Variants in ARHGAP28 observed in about 807,000 individuals in gnomAD.
ARHGAP28 encodes Rho GTPase activating protein 28.
Under a neutral mutation model 90.7 loss-of-function variants are expected in ARHGAP28, and 56 were observed. That is an observed-to-expected ratio of 0.62 (90% CI 0.50 to 0.77). The LOEUF (loss-of-function observed/expected upper bound fraction) is 0.77, where lower values mean the gene tolerates loss of function less well. Among genes scored for constraint, ARHGAP28 ranks in the 30% least tolerant of loss-of-function variants. The pLI is 0.00. For synonymous variants in ARHGAP28, 308 were observed against 323.3 expected, an observed-to-expected ratio of 0.95 and a Z score of 0.51; for missense variants, 869 against 900.9, an observed-to-expected ratio of 0.96 and a Z score of 0.45.
rs557918357 is a variant in ARHGAP28 at position 6,913,027 on chromosome 18, A to G, written c.*873A>G. On this transcript the variant is annotated 3_prime_UTR_variant, in exon 18 of 18. Coordinates refer to ENST00000383472, the MANE Select transcript of ARHGAP28 (RefSeq NM_001366230.1). ...AACATACCATTTTTTATATTTCACA[A>G]CTATAGACAGTCACTTCTGCAGTCC... 13 of 152,342 alleles carry G rather than the reference A, an allele frequency of 8.5e-5. No homozygotes were observed. The highest frequency in any genetic ancestry group is 3.1e-4 in the African/African-American group (13 of 41,580). 9.4% of individuals were successfully genotyped at this position (152,342 alleles called of 1,614,324 possible).
intron 1 of ARHGAP28, among the ~76,000 whole-genome samples, chr18:6,762,789 C>T (rs1050734664): frequency 2.6e-5 from 4 of 151,940 alleles, no homozygotes; most frequent in Non-Finnish European, 2.9e-5. Context: ...GAGAAACCAA[C>T]GCTGTCAGTA....
At chr18:6,796,608 C>T (rs1449691044) in intron 1 of ARHGAP28, among the ~76,000 whole-genome samples, 1 of 151,940 alleles carries the variant, frequency 6.6e-6, no homozygotes, top group Non-Finnish European at 1.5e-5. Flanking sequence ...AAGTTAGTCT[C>T]GCTCTCTTTT....
intron 12 of ARHGAP28, among the ~76,000 whole-genome samples, chr18:6,888,419 G>A (rs1234889997): frequency 6.6e-6 from 1 of 152,154 alleles, no homozygotes. Flanking sequence ...TCTTAGTGCT[G>A]CCTCTTATCA....
chr18:6,819,507 G>C (rs1015458444), intron 1 of ARHGAP28, among the ~76,000 whole-genome samples: 5 of 152,150 alleles, frequency 3.3e-5, no homozygotes, highest in Non-Finnish European at 7.4e-5. Context: ...TGGGCCAAAG[G>C]TCATACCTGT....
At chr18:6,798,382 CG>C (rs1265624484) in intron 1 of ARHGAP28, among the ~76,000 whole-genome samples, 2 of 151,998 alleles carry the variant, frequency 1.3e-5, no homozygotes, top group Admixed American at 6.6e-5. Flanking sequence ...TTAGTAGAGA[CG>C]GGGTTTTCCC....
intron 1 of ARHGAP28, among the ~76,000 whole-genome samples, chr18:6,749,370 T>C (rs916165736): frequency 6.6e-6 from 1 of 152,232 alleles, no homozygotes; most frequent in African/African-American, 2.4e-5. Context: ...TGGAGAGATA[T>C]TTTCCTTTAC....
At chr18:6,910,511 C>T (rs945238701) in intron 17 of ARHGAP28, among the ~76,000 whole-genome samples, 2 of 152,092 alleles carry the variant, frequency 1.3e-5, no homozygotes, top group Admixed American at 1.3e-4. Flanking sequence ...TCTGACTTTT[C>T]CCCAGGATGC....
chr18:6,846,962 G>A (rs116503110), intron 3 of ARHGAP28, among the ~76,000 whole-genome samples: 5,506 of 152,264 alleles, frequency 0.036, 336 homozygotes, highest in African/African-American at 0.12. Flanking sequence ...AGGGCCACAT[G>A]TAGGCTGCTC....
chr18:6,849,965 ATTAAACTCACATATC>A (rs2056896983), intron 3 of ARHGAP28, among the ~76,000 whole-genome samples: 2 of 151,892 alleles, frequency 1.3e-5, no homozygotes, highest in East Asian at 1.9e-4. Context: ...CACTGCTTGG[ATTAAACTCACATATC>A]TTAAATTGTC....
In ARHGAP28 at chr18:6,890,511, A is replaced by G. The variant is rs754975067; in HGVS notation, c.1816A>G (p.Lys606Glu). The G allele has an allele frequency of 6.2e-7, 1 of 1,613,244 alleles. No individual in the cohort carries two copies. Among genetic ancestry groups the G allele is most frequent in the Non-Finnish European group, 8.5e-7 (1 of 1,179,702 alleles). Residue 606 changes from lysine (K) to glutamate (E), a missense_variant, in exon 14 of 18, where the codon AAG becomes GAG. Physicochemically the swap from Lys to Glu is moderately conservative, Grantham distance 56. Transcript: ENST00000383472. ...GAAGAAGCAGCTCCCAAGTGTCAGG[A>G]AGCTGCTCAGGAGGAAGACCCTCGA... is the stretch of plus-strand genomic sequence containing the variant. The part of the protein sequence containing the change: ...LLKKQLPSVR[K>E]LLRRKTLERE...
At chr18:6,755,650 G>A (rs371263860) in intron 1 of ARHGAP28, among the ~76,000 whole-genome samples, 10 of 152,296 alleles carry the variant, frequency 6.6e-5, no homozygotes, top group South Asian at 4.1e-4. Flanking sequence ...TTCAAAATGA[G>A]ACAATTTTGA....
chr18:6,848,879 C>T (rs1465323915), intron 3 of ARHGAP28, among the ~76,000 whole-genome samples: 1 of 152,060 alleles, frequency 6.6e-6, no homozygotes, highest in Non-Finnish European at 1.5e-5. Context: ...CCCAGTCTCC[C>T]CATGGGCAAA....
intron 5 of ARHGAP28, among the ~76,000 whole-genome samples, chr18:6,863,859 T>C (rs528578110): frequency 6.6e-6 from 1 of 151,506 alleles, no homozygotes; most frequent in Non-Finnish European, 1.5e-5. Flanking sequence ...CTCGGCTCAC[T>C]GCAACCTCCA....
At chr18:6,853,292 C>G (rs1311364627) in intron 4 of ARHGAP28, among the ~76,000 whole-genome samples, 1 of 152,168 alleles carries the variant, frequency 6.6e-6, no homozygotes, top group Non-Finnish European at 1.5e-5. Context: ...GGACATGCCT[C>G]ATTATACCCT....
chr18:6,870,465 C>A (rs978087719), intron 6 of ARHGAP28, 125 bp from the exon 7 acceptor site: 1 of 963,672 alleles, frequency 1.0e-6, no homozygotes, highest in South Asian at 1.6e-5. Context: ...TGCTTTTCCT[C>A]GCATATAAAC....
chr18:6,897,365 T>G (rs1361119091), intron 16 of ARHGAP28: 1 of 152,240 alleles, frequency 6.6e-6, no homozygotes, highest in Admixed American at 6.5e-5. Flanking sequence ...ACCATAGCTG[T>G]TACTTTCCTT....
chr18:6,797,306 T>G (rs1308074494), intron 1 of ARHGAP28, among the ~76,000 whole-genome samples: 1 of 152,190 alleles, frequency 6.6e-6, no homozygotes. Flanking sequence ...TCTCTGTCAC[T>G]TGGAGACTGG....
intron 1 of ARHGAP28, among the ~76,000 whole-genome samples, chr18:6,800,186 A>G (rs2056471611): frequency 6.6e-6 from 1 of 152,208 alleles, no homozygotes; most frequent in Non-Finnish European, 1.5e-5. Context: ...TTAGAATGGC[A>G]ATCATTAAAA....
intron 1 of ARHGAP28, among the ~76,000 whole-genome samples, chr18:6,757,728 C>G (rs1013003077): frequency 6.6e-6 from 1 of 152,168 alleles, no homozygotes; most frequent in Non-Finnish European, 1.5e-5. Context: ...ATCAAAGACA[C>G]AGAAACAGAC....
Sources: gnomAD v4.1 joint callset for allele counts (sites outside exome capture counted in the v4.1 genomes callset) on GRCh38, gnomAD v4.1.1 for gene constraint, MANE v1.5 for transcripts, NCBI Gene and HGNC (gene_info 2026-07-23, HGNC 2026-07-21) for gene names.